PLXNA2: variants seen among roughly 807,000 people sequenced by gnomAD.
The protein encoded by PLXNA2 is plexin-A2.
In PLXNA2, 91 loss-of-function variants were observed where a neutral mutation model predicts 193.5. The observed-to-expected ratio is 0.47, with a 90% CI of 0.40 to 0.56. The LOEUF (loss-of-function observed/expected upper bound fraction) is 0.56, where lower values mean the gene tolerates loss of function less well. PLXNA2 is among the 20% of genes least tolerant of loss of function. PLXNA2 has a pLI of 0.00. For synonymous variants in PLXNA2, 997 were observed against 1,027.3 expected, an observed-to-expected ratio of 0.97 and a Z score of 0.56; for missense variants, 1,995 against 2,503.2, an observed-to-expected ratio of 0.80 and a Z score of 4.33.
rs571298149 is a variant in PLXNA2, at chr1:208,217,999, G to T, written c.-77C>A. The T allele has an allele frequency of 2.6e-5, 40 of 1,561,836 alleles. No homozygotes were observed. In the East Asian group the frequency reaches 9.1e-4, roughly 35 times the overall value. On this transcript the variant is annotated 5_prime_UTR_variant, in exon 2 of 32. Transcript: ENST00000367033. The surrounding 1 kb of genome is among the most constrained non-coding windows in gnomAD (Gnocchi z 4.7). ...CACCTTCCCCGGTTGGCCCTCACAT[G>T]ATTCTGCAAAACACAAGGCAGAGTG...
intron 4 of PLXNA2, among the ~76,000 whole-genome samples, chr1:208,137,808 T>C (rs1010412120): frequency 2.0e-5 from 3 of 152,182 alleles, no homozygotes; most frequent in African/African-American, 7.2e-5. Context: ...AGAGAATACA[T>C]GAGTGCTATA....
intron 17 of PLXNA2, among the ~76,000 whole-genome samples, chr1:208,049,659 T>A (rs373525250): frequency 3.7e-4 from 56 of 152,352 alleles, no homozygotes; most frequent in Middle Eastern, 3.4e-3. Flanking sequence ...ACCAGTCACC[T>A]GTATGATTGG....
intron 12 of PLXNA2, among the ~76,000 whole-genome samples, chr1:208,071,793 A>C (rs1665987361): frequency 6.6e-6 from 1 of 152,240 alleles, no homozygotes; most frequent in African/African-American, 2.4e-5. Flanking sequence ...GAAAGATCAG[A>C]GTGCCGGCTT....
chr1:208,095,965 G>T (rs112057150), intron 8 of PLXNA2, 64 bp downstream of exon 8: 2 of 1,249,228 alleles, frequency 1.6e-6, no homozygotes, highest in Middle Eastern at 1.9e-4. Context: ...GCTTAGCATC[G>T]AGGGGAAGAA....
At chr1:208,128,385 G>A (rs1356345962) in intron 4 of PLXNA2, among the ~76,000 whole-genome samples, 1 of 152,180 alleles carries the variant, frequency 6.6e-6, no homozygotes, top group South Asian at 2.1e-4. Flanking sequence ...CTTAGCTAGA[G>A]CCATGGCTGA....
chr1:208,206,727 A>G lies in PLXNA2; in HGVS notation c.1371+3553T>C, dbSNP rs112520645. Among the ~76,000 whole-genome samples the G allele has an allele frequency of 4.5e-3, 677 of 149,874 alleles. 9 individuals carry two copies. Among genetic ancestry groups the G allele is most frequent in the African/African-American group, 0.016 (659 of 40,812 alleles). On this transcript the variant is annotated intron_variant, in intron 3 of 31. Coordinates refer to ENST00000367033, the MANE Select transcript of PLXNA2 (RefSeq NM_025179.4). ...TTTGCATGTCTTCTTATCACCTGCAATGCACTGACCCTTAGCTTATGCAGC... is the reference window on the plus strand; with the variant it reads ...TTTGCATGTCTTCTTATCACCTGCAGTGCACTGACCCTTAGCTTATGCAGC...
At chr1:208,095,659 G>A (rs1471294172) in intron 8 of PLXNA2, among the ~76,000 whole-genome samples, 1 of 152,042 alleles carries the variant, frequency 6.6e-6, no homozygotes. Context: ...GGTTGTGGGT[G>A]ACATGTCCAT....
At chr1:208,126,440 G>A (rs777426818) in intron 4 of PLXNA2, among the ~76,000 whole-genome samples, 16 of 152,178 alleles carry the variant, frequency 1.1e-4, no homozygotes, top group Non-Finnish European at 1.5e-5. Context: ...ACTGCCCAGT[G>A]CTACCAAGGC....
Position 208,038,329 on chromosome 1 carries a change from C to T in PLXNA2, c.4764+42G>A, listed in dbSNP as rs775573602. On this transcript the variant is annotated intron_variant, in intron 26 of 31. Coordinates refer to ENST00000367033, the MANE Select transcript of PLXNA2 (RefSeq NM_025179.4). This position sits in a 1 kb window ranked among gnomAD's most constrained non-coding sequence, Gnocchi z 4.1. Reference sequence around the variant, plus strand: ...AGAGCAAGGCTTAGCGGGAAGGGAACATTCTGGGAAGCTGAAGAGGGGAAA... The same window carrying T: ...AGAGCAAGGCTTAGCGGGAAGGGAATATTCTGGGAAGCTGAAGAGGGGAAA... 2.9e-6 allele frequency: 4 copies of T among 1,362,656 alleles called. No homozygotes were observed. The highest frequency in any genetic ancestry group is 1.2e-5 in the South Asian group (1 of 86,122). The allele number at this position is 1,362,656 out of a possible 1,614,324, so 84.4% of individuals were successfully genotyped here. A position where few individuals can be genotyped will look rare whatever the true frequency, so the allele number is the denominator to read the frequency against.
chr1:208,029,108 T>C lies in PLXNA2; in HGVS notation c.5226-66A>G, dbSNP rs1348285434. 4.4e-6 allele frequency: 7 copies of C among 1,589,230 alleles called. No homozygotes were observed. The South Asian group carries it at 8.0e-5, about 18-fold the overall frequency. The stretch of plus-strand genomic sequence containing the variant: ...CCGTGCCCCTTCTGCTGCCCACTGA[T>C]ATTCTTCCCCATCAAAGGTCAAATT... On this transcript the variant is annotated intron_variant, in intron 29 of 31. Coordinates refer to ENST00000367033, the MANE Select transcript of PLXNA2 (RefSeq NM_025179.4).
chr1:208,034,435 C>G (rs932960488), intron 27 of PLXNA2, 58 bp downstream of exon 27: 1 of 1,116,098 alleles, frequency 9.0e-7, no homozygotes, highest in Admixed American at 1.7e-5. Context: ...CGAGTGGGCC[C>G]TGCTAGGTCT....
intron 15 of PLXNA2, 66 bp from the exon 16 acceptor site, chr1:208,051,489 G>A: frequency 7.3e-7 from 1 of 1,369,516 alleles, no homozygotes; most frequent in Non-Finnish European, 1.0e-6. Context: ...CCACTGGCTT[G>A]ACAAGGGGCT....
intron 3 of PLXNA2, among the ~76,000 whole-genome samples, chr1:208,164,341 C>T (rs1173458211): frequency 1.3e-5 from 2 of 152,166 alleles, no homozygotes; most frequent in Non-Finnish European, 2.9e-5. Flanking sequence ...GAGCTCTGCC[C>T]CTACTCCCTG....
At chr1:208,155,870 T>A (rs1668924674) in intron 3 of PLXNA2, among the ~76,000 whole-genome samples, 2 of 152,298 alleles carry the variant, frequency 1.3e-5, no homozygotes, top group South Asian at 4.1e-4. Flanking sequence ...GCCTGGAGGC[T>A]GCCTGGGTCT....
intron 3 of PLXNA2, among the ~76,000 whole-genome samples, chr1:208,207,098 T>C (rs1281893644): frequency 6.6e-6 from 1 of 152,160 alleles, no homozygotes; most frequent in East Asian, 1.9e-4. Flanking sequence ...CTCCACCTCC[T>C]GGGTTCAAGC....
chr1:208,039,802 G>A (rs930832836), intron 23 of PLXNA2, 35 bp from the exon 24 acceptor site: 3 of 1,613,164 alleles, frequency 1.9e-6, no homozygotes, highest in Middle Eastern at 1.7e-4. Context: ...GTGTGGGCAC[G>A]GCCTCCTCAG....
intron 3 of PLXNA2, among the ~76,000 whole-genome samples, chr1:208,194,649 T>C (rs935901600): frequency 6.6e-6 from 1 of 152,134 alleles, no homozygotes; most frequent in African/African-American, 2.4e-5. Flanking sequence ...ATCCTATCTA[T>C]ACATCCTGCC....
Position 208,038,249 on chromosome 1 carries a change from C to T in PLXNA2, c.4764+122G>A. 1.4e-6 allele frequency: 1 copy of T among 721,152 alleles called. No homozygotes were observed. The highest frequency in any genetic ancestry group is 1.6e-5 in the South Asian group (1 of 61,340). The allele number at this position is 721,152 out of a possible 1,614,324, so 44.7% of individuals were successfully genotyped here. A position where few individuals can be genotyped will look rare whatever the true frequency, so the allele number is the denominator to read the frequency against. On this transcript the variant is annotated intron_variant, in intron 26 of 31. Transcript: ENST00000367033. This position sits in a 1 kb window ranked among gnomAD's most constrained non-coding sequence, Gnocchi z 4.1. ...GGCTAAGAATCCCTGTTCTATGCTC[C>T]AGCAGGAGGAGGAAAGCAGGGAGAG...
intron 5 of PLXNA2, among the ~76,000 whole-genome samples, chr1:208,102,330 C>CT (rs1314322410): frequency 1.3e-5 from 2 of 152,376 alleles, no homozygotes; most frequent in East Asian, 3.9e-4. Flanking sequence ...GCATGGAGCC[C>CT]TGGAGTTTCC....
Sources: allele counts gnomAD v4.1 joint callset (sites outside exome capture counted in the v4.1 genomes callset), GRCh38; gene constraint gnomAD v4.1.1; non-coding constraint Gnocchi (gnomAD v3.1); transcripts MANE v1.5; gene names NCBI Gene and HGNC (gene_info 2026-07-23, HGNC 2026-07-21).